TBL1XR1: variants seen among roughly 807,000 people sequenced by gnomAD.
TBL1XR1 encodes the protein TBL1X/Y related 1.
In TBL1XR1, 5 loss-of-function variants were observed where a neutral mutation model predicts 66.9. That is an observed-to-expected ratio of 0.07 (90% CI 0.04 to 0.16). The LOEUF (loss-of-function observed/expected upper bound fraction) is 0.16, where lower values mean the gene tolerates loss of function less well. Ranked by LOEUF, TBL1XR1 falls within the 10% of genes least tolerant of loss-of-function variation. TBL1XR1 has a pLI of 1.00. For synonymous variants in TBL1XR1, 210 were observed against 206.0 expected (o/e 1.02, Z -0.17); for missense variants, 238 against 623.2 (o/e 0.38, Z 6.58).
At chr3:177,182,250 A>G (rs1734914103) in intron 1 of TBL1XR1, among the ~76,000 whole-genome samples, 1 of 151,996 alleles carries the variant, frequency 6.6e-6, no homozygotes, top group Non-Finnish European at 1.5e-5. Context: ...TTAGCCGGGA[A>G]TGGTGGCGTA....
chr3:177,155,723 A>C (rs953268214), intron 1 of TBL1XR1, among the ~76,000 whole-genome samples: 2 of 152,244 alleles, frequency 1.3e-5, no homozygotes, highest in Non-Finnish European at 2.9e-5. Context: ...CACAAAAATT[A>C]TATCAGTTTT....
chr3:177,047,228 G>A, intron 9 of TBL1XR1, 72 bp downstream of exon 9: 1 of 1,278,272 alleles, frequency 7.8e-7, no homozygotes, highest in Non-Finnish European at 1.1e-6. Flanking sequence ...GTAATTGGCA[G>A]CTAAGACAAA....
intron 1 of TBL1XR1, among the ~76,000 whole-genome samples, chr3:177,171,780 A>C (rs1691652058): frequency 6.6e-6 from 1 of 151,134 alleles, no homozygotes; most frequent in Admixed American, 6.6e-5. Context: ...GAAATGGCTG[A>C]CTCTAGGGCT....
chr3:177,170,572 G>A (rs934733350), intron 1 of TBL1XR1, among the ~76,000 whole-genome samples: 1 of 152,134 alleles, frequency 6.6e-6, no homozygotes, highest in Non-Finnish European at 1.5e-5. Flanking sequence ...CTCAATGATA[G>A]AATCGGGTGG....
intron 1 of TBL1XR1, among the ~76,000 whole-genome samples, chr3:177,154,239 C>G (rs1731233387): frequency 6.6e-6 from 1 of 151,994 alleles, no homozygotes; most frequent in South Asian, 2.1e-4. Context: ...TAAGTATAAT[C>G]TGATTATTAA....
intron 1 of TBL1XR1, among the ~76,000 whole-genome samples, chr3:177,129,781 A>C (rs1020120501): frequency 6.6e-6 from 1 of 152,222 alleles, no homozygotes; most frequent in Non-Finnish European, 1.5e-5. Context: ...TAGTGTTATA[A>C]CACACACTGG....
chr3:177,149,820 T>C (rs1730676937), intron 1 of TBL1XR1, among the ~76,000 whole-genome samples: 1 of 152,236 alleles, frequency 6.6e-6, no homozygotes, highest in South Asian at 2.1e-4. Context: ...ATTTACATAC[T>C]ATCCATGGCT....
intron 2 of TBL1XR1, among the ~76,000 whole-genome samples, chr3:177,076,975 G>A (rs1464739325): frequency 6.6e-6 from 1 of 152,208 alleles, no homozygotes; most frequent in Non-Finnish European, 1.5e-5. Context: ...ACAAGTGTCT[G>A]CCAGCTCTCT....
chr3:177,195,783 T>C (rs997247966), intron 1 of TBL1XR1: 1 of 152,146 alleles, frequency 6.6e-6, no homozygotes, highest in Non-Finnish European at 1.5e-5. Context: ...CACATTTTAT[T>C]AACAAGCTTG....
rs148659524 is a variant in TBL1XR1 at position 177,024,713 on chromosome 3, G to GAAAAAAAAAAAAAAAAAACAAAAAAA, written c.*784_*785insTTTTTTTGTTTTTTTTTTTTTTTTTT. The GAAAAAAAAAAAAAAAAAACAAAAAAA allele has an allele frequency of 4.7e-4, 40 of 85,124 alleles. No individual in the cohort carries two copies. The highest frequency in any genetic ancestry group is 6.5e-4 in the Non-Finnish European group (26 of 39,784). 5.3% of individuals were successfully genotyped at this position (85,124 alleles called of 1,614,324 possible). On this transcript the variant is annotated 3_prime_UTR_variant, in exon 16 of 16. Transcript: ENST00000457928. ...AGCCACATCACCAAAAAACAAAAAA[G>GAAAAAAAAAAAAAAAAAACAAAAAAA]AAAAAAAAAAAAAAAAAGCAAAACA...
intron 2 of TBL1XR1, among the ~76,000 whole-genome samples, chr3:177,074,546 T>C (rs1720445379): frequency 6.6e-6 from 1 of 152,160 alleles, no homozygotes; most frequent in South Asian, 2.1e-4. Flanking sequence ...AATTAACCTC[T>C]CTGCCTTGAC....
intron 1 of TBL1XR1, among the ~76,000 whole-genome samples, chr3:177,103,570 T>G (rs946695484): frequency 7.2e-5 from 11 of 152,156 alleles, no homozygotes; most frequent in African/African-American, 2.7e-4. Context: ...GAAAAGCAAA[T>G]GATATATTTT....
chr3:177,060,831 G>T (rs1577053782), intron 3 of TBL1XR1, among the ~76,000 whole-genome samples: 1 of 152,210 alleles, frequency 6.6e-6, no homozygotes, highest in South Asian at 2.1e-4. Flanking sequence ...AGTTATTAGG[G>T]CAATGAAATT....
chr3:177,037,035 G>C (rs1226512183), intron 12 of TBL1XR1, among the ~76,000 whole-genome samples: 1 of 152,100 alleles, frequency 6.6e-6, no homozygotes, highest in East Asian at 1.9e-4. Context: ...TTTGCTTTTA[G>C]TCATACAACA....
At chr3:177,041,805 T>C (rs1715625736) in intron 10 of TBL1XR1, among the ~76,000 whole-genome samples, 1 of 152,162 alleles carries the variant, frequency 6.6e-6, no homozygotes, top group South Asian at 2.1e-4. Context: ...TGTAAGACAC[T>C]GTCAGGAGTT....
chr3:177,199,978 ATT>A (rs200110139), upstream of TBL1XR1, among the ~76,000 whole-genome samples: 1 of 145,866 alleles, frequency 6.9e-6, no homozygotes, highest in Non-Finnish European at 1.5e-5. Context: ...GCAGGAGTAC[ATT>A]TTTTTTTTTT....
intron 2 of TBL1XR1, among the ~76,000 whole-genome samples, chr3:177,096,866 TG>T (rs1355771364): frequency 3.6e-4 from 54 of 152,098 alleles, no homozygotes; most frequent in Admixed American, 3.3e-3. Flanking sequence ...AAGCTTGGCT[TG>T]GGGGGTGGGG....
intron 1 of TBL1XR1, among the ~76,000 whole-genome samples, chr3:177,115,510 C>T (rs1228306279): frequency 6.6e-6 from 1 of 152,176 alleles, no homozygotes; most frequent in Non-Finnish European, 1.5e-5. Context: ...CACCCCTTTG[C>T]TCTGCCTCCT....
At chr3:177,143,010 GC>G (rs1729807357) in intron 1 of TBL1XR1, among the ~76,000 whole-genome samples, 1 of 151,310 alleles carries the variant, frequency 6.6e-6, no homozygotes, top group South Asian at 2.1e-4. Context: ...GCATGTTTGT[GC>G]TTTCTGTTGG....
Sources: allele counts gnomAD v4.1 joint callset (sites outside exome capture counted in the v4.1 genomes callset), GRCh38; gene constraint gnomAD v4.1.1; transcripts MANE v1.5; gene names NCBI Gene and HGNC (gene_info 2026-07-23, HGNC 2026-07-21).